Variants in LEKR1 observed in about 807,000 individuals in gnomAD.
LEKR1 encodes the protein leucine, glutamate and lysine rich 1.
LEKR1 carries 59 observed loss-of-function variants against 72.4 expected under a neutral mutation model. That is an observed-to-expected ratio of 0.82 (90% CI 0.66 to 1.01). LEKR1 has a LOEUF of 1.01. Among genes scored for constraint, LEKR1 ranks in the 50% least tolerant of loss-of-function variants. The pLI, the probability that LEKR1 is intolerant of heterozygous loss-of-function variation, is 0.00. For missense variants in LEKR1, 728 were observed against 759.2 expected, an observed-to-expected ratio of 0.96 and a Z score of 0.48; for synonymous variants, 257 against 263.2, an observed-to-expected ratio of 0.98 and a Z score of 0.23.
intron 6 of LEKR1, among the ~76,000 whole-genome samples, chr3:156,950,200 T>G (rs1184857267): frequency 6.6e-6 from 1 of 151,138 alleles, no homozygotes; most frequent in Non-Finnish European, 1.5e-5. Context: ...TTGTAGTTAC[T>G]GCCCCTTTTT....
chr3:156,892,883 C>G (rs2108558241), intron 3 of LEKR1, among the ~76,000 whole-genome samples: 1 of 152,310 alleles, frequency 6.6e-6, no homozygotes, highest in Admixed American at 6.5e-5. Context: ...GTTTGGTGGT[C>G]AGCTTGTTTG....
intron 6 of LEKR1, among the ~76,000 whole-genome samples, chr3:156,966,435 C>T (rs1342967096): frequency 2.6e-5 from 4 of 152,186 alleles, no homozygotes; most frequent in African/African-American, 4.8e-5. Context: ...CACCCTAATA[C>T]TGCGCTTTTC....
intron 3 of LEKR1, among the ~76,000 whole-genome samples, chr3:156,879,445 G>A (rs1029696235): frequency 1.3e-5 from 2 of 152,160 alleles, no homozygotes; most frequent in African/African-American, 4.8e-5. Flanking sequence ...GGTTACTTGG[G>A]TGCTGTTAAA....
chr3:156,953,703 C>T (rs1375444933), intron 6 of LEKR1, among the ~76,000 whole-genome samples: 1 of 151,860 alleles, frequency 6.6e-6, no homozygotes, highest in Non-Finnish European at 1.5e-5. Context: ...TGATCTCATT[C>T]CTTTTTATGG....
At chr3:156,849,649 A>C (rs530235230) in intron 2 of LEKR1, among the ~76,000 whole-genome samples, 21 of 152,256 alleles carry the variant, frequency 1.4e-4, no homozygotes, top group South Asian at 1.2e-3. Context: ...CAAAAACAAG[A>C]AATGGGGAAA....
At chr3:156,883,758 C>A (rs1444108882) in intron 3 of LEKR1, among the ~76,000 whole-genome samples, 1 of 152,162 alleles carries the variant, frequency 6.6e-6, no homozygotes, top group Non-Finnish European at 1.5e-5. Flanking sequence ...GCCTCCCCAG[C>A]CATGTGGAAC....
At chr3:156,833,907 CTT>C (rs755251498) in intron 2 of LEKR1, among the ~76,000 whole-genome samples, 20 of 139,170 alleles carry the variant, frequency 1.4e-4, no homozygotes, top group South Asian at 2.3e-4. Context: ...CCCTTTTTTC[CTT>C]TTTTTTTTTT....
chr3:156,830,643 A>T (rs1047922782), intron 2 of LEKR1, among the ~76,000 whole-genome samples: 1 of 152,238 alleles, frequency 6.6e-6, no homozygotes, highest in Admixed American at 6.5e-5. Flanking sequence ...AATTGTTATA[A>T]GAAAGGCATA....
intron 3 of LEKR1, among the ~76,000 whole-genome samples, chr3:156,917,156 G>A (rs903363147): frequency 6.6e-6 from 1 of 152,094 alleles, no homozygotes; most frequent in Non-Finnish European, 1.5e-5. Context: ...GAATGTGATA[G>A]CAGAAGTTAA....
At chr3:156,910,412 T>G (rs1313725607) in intron 3 of LEKR1, among the ~76,000 whole-genome samples, 1 of 152,166 alleles carries the variant, frequency 6.6e-6, no homozygotes, top group Non-Finnish European at 1.5e-5. Flanking sequence ...TTGCTTAGGA[T>G]AATGGTTTCC....
rs73168702 is a variant in LEKR1, at chr3:156,978,146, G to T, written c.746-1048G>T. Among the ~76,000 whole-genome samples the T allele has an allele frequency of 2.0e-5, 3 of 152,274 alleles. No individual in the cohort carries two copies. The South Asian group carries it at 6.2e-4, about 32-fold the overall frequency. On this transcript the variant is annotated intron_variant, in intron 6 of 12. Transcript: ENST00000356539. Reference sequence around the variant, plus strand: ...GAAACAAAAATTAATGTATGTAAAAGCACTGGATAAACAAAGGTTTATACA... The same window carrying T: ...GAAACAAAAATTAATGTATGTAAAATCACTGGATAAACAAAGGTTTATACA...
At chr3:156,850,303 C>T (rs1231895999) in intron 2 of LEKR1, among the ~76,000 whole-genome samples, 1 of 151,790 alleles carries the variant, frequency 6.6e-6, no homozygotes, top group African/African-American at 2.4e-5. Flanking sequence ...TAGTTCTGTA[C>T]TTGGATCTGA....
At chr3:157,024,163 G>A (rs545693529) in intron 10 of LEKR1, among the ~76,000 whole-genome samples, 2 of 152,234 alleles carry the variant, frequency 1.3e-5, no homozygotes, top group East Asian at 3.9e-4. Flanking sequence ...TACTGAAAAC[G>A]CATATTGCTT....
chr3:156,948,708 T>C (rs1726893894), intron 6 of LEKR1, among the ~76,000 whole-genome samples: 1 of 151,564 alleles, frequency 6.6e-6, no homozygotes, highest in South Asian at 2.1e-4. Flanking sequence ...CTGGGTCAAA[T>C]GGTAGTTCTG....
At chr3:156,872,862 A>G (rs892356897) in intron 3 of LEKR1, among the ~76,000 whole-genome samples, 3 of 152,088 alleles carry the variant, frequency 2.0e-5, no homozygotes, top group Non-Finnish European at 4.4e-5. Context: ...GTGTCTTAAC[A>G]TATAGTCTAT....
chr3:156,951,672 G>A (rs1189786085), intron 6 of LEKR1, among the ~76,000 whole-genome samples: 1 of 151,316 alleles, frequency 6.6e-6, no homozygotes, highest in Admixed American at 6.6e-5. Flanking sequence ...AGTTTCTGAT[G>A]GTTGTTTTTA....
chr3:156,860,394 T>C (rs898726884), intron 3 of LEKR1, among the ~76,000 whole-genome samples: 1 of 152,154 alleles, frequency 6.6e-6, no homozygotes, highest in Non-Finnish European at 1.5e-5. Context: ...TCCACAGTAA[T>C]GTAGGCTTGT....
chr3:156,857,122 A>G (rs1716157300), intron 3 of LEKR1, among the ~76,000 whole-genome samples: 1 of 152,134 alleles, frequency 6.6e-6, no homozygotes, highest in African/African-American at 2.4e-5. Flanking sequence ...ATTTAAAATC[A>G]GATGACTATT....
At chr3:156,862,861 G>T (rs1716920392) in intron 3 of LEKR1, among the ~76,000 whole-genome samples, 1 of 152,034 alleles carries the variant, frequency 6.6e-6, no homozygotes, top group African/African-American at 2.4e-5. Flanking sequence ...AAGCATAACT[G>T]TAGAACTTAA....
Sources: allele counts gnomAD v4.1 joint callset (sites outside exome capture counted in the v4.1 genomes callset), GRCh38; gene constraint gnomAD v4.1.1; transcripts MANE v1.5; gene names NCBI Gene and HGNC (gene_info 2026-07-23, HGNC 2026-07-21).